Variants in TENM3 observed in about 807,000 individuals in gnomAD.
The protein encoded by TENM3 is teneurin-3.
In TENM3, 63 loss-of-function variants were observed where a neutral mutation model predicts 255.1. The observed-to-expected ratio is 0.25, with a 90% CI of 0.20 to 0.30. TENM3 has a LOEUF of 0.30. Among genes scored for constraint, TENM3 ranks in the 10% least tolerant of loss-of-function variants. TENM3 has a pLI of 1.00. For missense variants in TENM3, 2,929 were observed against 3,461.1 expected (o/e 0.85, Z 3.86); for synonymous variants, 1,306 against 1,322.3 (o/e 0.99, Z 0.27).
Position 182,796,724 on chromosome 4 carries a change from C to A in TENM3, c.7301C>A (p.Pro2434His), listed in dbSNP as rs1029177283. Residue 2434 changes from proline to histidine, a missense_variant, in exon 27 of 28, where the codon CCT (proline) becomes CAT (histidine). Pro to His is a moderately conservative substitution (Grantham distance 77). Transcript: ENST00000511685. ...GTTCCCAAATTTGATTTAACAGAAC[C>A]TTCTTACGAACTTGTGAAGAGTCAG... Reference protein sequence around the residue: ...FPVPKFDLTEPSYELVKSQQW... With the variant: ...FPVPKFDLTEHSYELVKSQQW... The A allele has an allele frequency of 3.1e-6, 5 of 1,611,756 alleles. No individual in the cohort carries two copies. Among genetic ancestry groups the A allele is most frequent in the Admixed American group, 3.3e-5 (2 of 59,754 alleles).
chr4:181,469,537 A>G, the TENM3 span, among the ~76,000 whole-genome samples: 1 of 152,194 alleles, frequency 6.6e-6, no homozygotes, highest in Non-Finnish European at 1.5e-5. Context: ...AATTGGGCCC[A>G]GGAACAGTTT....
At chr4:182,157,063 G>A (rs1423728104) in intron 1 of TENM3, among the ~76,000 whole-genome samples, 3 of 152,152 alleles carry the variant, frequency 2.0e-5, no homozygotes, top group African/African-American at 7.2e-5. Context: ...CTGAAGGGGG[G>A]TACCCAACCT....
Position 182,389,571 on chromosome 4 carries a change from T to C in TENM3, c.511+42642T>C, listed in dbSNP as rs1398062915. Among the ~76,000 whole-genome samples the C allele has an allele frequency of 2.6e-5, 4 of 152,280 alleles. No individual in the cohort carries two copies. The East Asian group carries it at 7.7e-4, about 29-fold the overall frequency. On this transcript the variant is annotated intron_variant, in intron 3 of 27. Transcript: ENST00000511685. ...AAATTTAACTATCTAACAGGGAATA[T>C]GACAAAGTGGAAATTTGTTTAACTA...
chr4:182,209,952 T>C (rs1409469983), intron 1 of TENM3, among the ~76,000 whole-genome samples: 1 of 152,114 alleles, frequency 6.6e-6, no homozygotes, highest in Admixed American at 6.5e-5. Flanking sequence ...ACACCCAGGC[T>C]GTGTCATAGA....
the TENM3 span, among the ~76,000 whole-genome samples, chr4:182,102,296 T>C: frequency 1.3e-5 from 2 of 152,158 alleles, no homozygotes; most frequent in African/African-American, 4.8e-5. Flanking sequence ...AGGAAGCTGG[T>C]CTTGATGGTG....
the TENM3 span, among the ~76,000 whole-genome samples, chr4:181,854,919 G>A: frequency 6.6e-6 from 1 of 152,272 alleles, no homozygotes; most frequent in Admixed American, 6.5e-5. Flanking sequence ...GGTTTGATTG[G>A]AATATTGGCA....
the TENM3 span, among the ~76,000 whole-genome samples, chr4:182,020,594 T>C: frequency 6.6e-6 from 1 of 152,302 alleles, no homozygotes; most frequent in South Asian, 2.1e-4. Context: ...AGATGGTGGA[T>C]ATGCTAATTA....
At chr4:181,939,617 C>A in the TENM3 span, among the ~76,000 whole-genome samples, 10 of 152,306 alleles carry the variant, frequency 6.6e-5, no homozygotes, top group Middle Eastern at 3.4e-3. Flanking sequence ...TTCTCCACTT[C>A]TTTCTCTTAG....
the TENM3 span, among the ~76,000 whole-genome samples, chr4:182,099,849 C>G: frequency 6.6e-6 from 1 of 152,192 alleles, no homozygotes; most frequent in African/African-American, 2.4e-5. Context: ...AATCCATGAG[C>G]AAACAGAAGT....
the TENM3 span, among the ~76,000 whole-genome samples, chr4:181,944,309 T>C: frequency 2.0e-5 from 3 of 152,084 alleles, no homozygotes; most frequent in Non-Finnish European, 4.4e-5. Context: ...CCTGGAGCTC[T>C]GATGTCCAAG....
chr4:181,590,254 CA>C, the TENM3 span, among the ~76,000 whole-genome samples: 26 of 152,144 alleles, frequency 1.7e-4, no homozygotes, highest in Admixed American at 8.5e-4. Flanking sequence ...TTATATCCCC[CA>C]ACACAGGCTC....
chr4:181,486,608 T>A, the TENM3 span, among the ~76,000 whole-genome samples: 4 of 152,228 alleles, frequency 2.6e-5, no homozygotes, highest in Non-Finnish European at 4.4e-5. Context: ...GCCTTTCTTA[T>A]GTACTTACAT....
intron 1 of TENM3, among the ~76,000 whole-genome samples, chr4:182,232,287 C>A (rs182153632): frequency 6.6e-6 from 1 of 152,002 alleles, no homozygotes; most frequent in Admixed American, 6.6e-5. Context: ...TCATTTCAGC[C>A]GAGGAAAGAT....
At chr4:182,386,589 C>T (rs1053460511) in intron 3 of TENM3, among the ~76,000 whole-genome samples, 24 of 152,220 alleles carry the variant, frequency 1.6e-4, no homozygotes, top group African/African-American at 5.5e-4. Context: ...ACTGGGGCTG[C>T]GCGCAGCGCT....
intron 1 of TENM3, among the ~76,000 whole-genome samples, chr4:182,258,731 A>G (rs1283935086): frequency 6.6e-6 from 1 of 152,190 alleles, no homozygotes; most frequent in Non-Finnish European, 1.5e-5. Context: ...TTACAAAATC[A>G]TTTTTGTAAG....
At chr4:182,262,725 T>TCC (rs1758897514) in intron 1 of TENM3, among the ~76,000 whole-genome samples, 1 of 147,428 alleles carries the variant, frequency 6.8e-6, no homozygotes. Context: ...ACTTTCTTTT[T>TCC]TTTTTTTTTT....
chr4:182,261,023 G>A (rs755591666), intron 1 of TENM3, among the ~76,000 whole-genome samples: 1 of 151,988 alleles, frequency 6.6e-6, no homozygotes, highest in Non-Finnish European at 1.5e-5. Context: ...CTACAGGTGC[G>A]CACCAGCACG....
the TENM3 span, among the ~76,000 whole-genome samples, chr4:181,763,912 T>C: frequency 1.5e-4 from 23 of 152,220 alleles, no homozygotes. Context: ...GACATACACA[T>C]TGGCAGAACT....
the TENM3 span, among the ~76,000 whole-genome samples, chr4:181,883,668 G>T: frequency 6.6e-6 from 1 of 152,164 alleles, no homozygotes; most frequent in East Asian, 1.9e-4. Context: ...TAGAGACGGG[G>T]TTTCATCGTT....
Sources: gnomAD v4.1 joint callset for allele counts (sites outside exome capture counted in the v4.1 genomes callset) on GRCh38, gnomAD v4.1.1 for gene constraint, MANE v1.5 for transcripts, NCBI Gene and HGNC (gene_info 2026-07-23, HGNC 2026-07-21) for gene names.